The following THSD7B variants were observed in gnomAD, a reference collection of about 807,000 sequenced individuals.
THSD7B encodes thrombospondin type-1 domain-containing protein 7B.
THSD7B carries 138 observed loss-of-function variants against 213.6 expected under a neutral mutation model. The observed-to-expected ratio is 0.65, with a 90% CI of 0.56 to 0.74. The LOEUF is 0.74. Among genes scored for constraint, THSD7B ranks in the 30% least tolerant of loss-of-function variants. The probability of loss-of-function intolerance (pLI) is 0.00; values close to 1 mark genes in which losing one functional copy is unlikely to be tolerated. For synonymous variants in THSD7B, 742 were observed against 687.0 expected, an observed-to-expected ratio of 1.08 and a Z score of -1.25; for missense variants, 1,931 against 1,991.5, an observed-to-expected ratio of 0.97 and a Z score of 0.58.
chr2:137,233,867 C>T (rs1466009803), intron 9 of THSD7B, among the ~76,000 whole-genome samples: 3 of 152,140 alleles, frequency 2.0e-5, no homozygotes, highest in Admixed American at 2.0e-4. Flanking sequence ...GGGCCCTATG[C>T]ATTATAGAGA....
intron 12 of THSD7B, among the ~76,000 whole-genome samples, chr2:137,396,073 G>C: frequency 6.6e-6 from 1 of 150,944 alleles, no homozygotes; most frequent in South Asian, 2.1e-4. Flanking sequence ...TATTAGTCTT[G>C]CTAGCGGTCT....
intron 2 of THSD7B, among the ~76,000 whole-genome samples, chr2:136,917,862 T>A (rs1195936280): frequency 2.0e-5 from 3 of 152,188 alleles, no homozygotes; most frequent in African/African-American, 7.2e-5. Context: ...TGGCATAAAG[T>A]CTCAAGTATA....
intron 2 of THSD7B, among the ~76,000 whole-genome samples, chr2:136,917,605 A>G (rs1270851379): frequency 6.6e-6 from 1 of 152,204 alleles, no homozygotes; most frequent in Non-Finnish European, 1.5e-5. Flanking sequence ...AGTGATTAGT[A>G]TACAGATTGG....
chr2:137,156,668 G>A (rs1167061123), intron 5 of THSD7B, among the ~76,000 whole-genome samples: 4 of 152,128 alleles, frequency 2.6e-5, no homozygotes, highest in Admixed American at 2.0e-4. Flanking sequence ...TAATATCTGT[G>A]GAGACACAGT....
At chr2:137,454,113 T>C (rs1449753369) in intron 15 of THSD7B, among the ~76,000 whole-genome samples, 1 of 152,202 alleles carries the variant, frequency 6.6e-6, no homozygotes, top group Non-Finnish European at 1.5e-5. Flanking sequence ...TTCAAATTTT[T>C]GTAGTAAATG....
intron 2 of THSD7B, among the ~76,000 whole-genome samples, chr2:136,916,739 T>A (rs183508546): frequency 6.6e-6 from 1 of 152,218 alleles, no homozygotes; most frequent in Non-Finnish European, 1.5e-5. Flanking sequence ...AGATAGTTCA[T>A]CAGTGTGAAG....
At chr2:137,605,486 G>A (rs1322642856) in intron 17 of THSD7B, among the ~76,000 whole-genome samples, 2 of 151,858 alleles carry the variant, frequency 1.3e-5, no homozygotes, top group African/African-American at 4.8e-5. Flanking sequence ...CTATGTAACA[G>A]GTATTATGGT....
At chr2:137,287,408 A>G (rs1209403314) in intron 12 of THSD7B, among the ~76,000 whole-genome samples, 22 of 152,152 alleles carry the variant, frequency 1.4e-4, no homozygotes, top group Admixed American at 1.4e-3. Flanking sequence ...TGGATTCAGA[A>G]CAAAGATTGC....
intron 12 of THSD7B, among the ~76,000 whole-genome samples, chr2:137,345,445 C>CA (rs1009510271): frequency 6.6e-6 from 1 of 151,544 alleles, no homozygotes; most frequent in Admixed American, 6.6e-5. Flanking sequence ...AATAGATATA[C>CA]AAAAACATAT....
In THSD7B at chr2:137,567,905, G is replaced by A. The variant is rs150017901; in HGVS notation, c.3273-4501G>A. On this transcript the variant is annotated intron_variant, in intron 16 of 27. Transcript: ENST00000409968. ...AGCTTATAAATTTAGTATTTATTGA[G>A]AAGAAATTGAGTCCTGGGGAACTCC... Among the ~76,000 whole-genome samples, 533 of 152,210 alleles carry A rather than the reference G, an allele frequency of 3.5e-3. 3 individuals are homozygous for A. Among genetic ancestry groups the A allele is most frequent in the Admixed American group, 4.4e-3 (67 of 15,280 alleles).
At chr2:137,105,413 A>G (rs1367889300) in intron 4 of THSD7B, among the ~76,000 whole-genome samples, 1 of 152,186 alleles carries the variant, frequency 6.6e-6, no homozygotes, top group African/African-American at 2.4e-5. Flanking sequence ...TCTCAAAATA[A>G]TAAGAGCTAT....
chr2:137,086,025 A>T (rs1271922307), intron 3 of THSD7B, among the ~76,000 whole-genome samples: 1 of 152,112 alleles, frequency 6.6e-6, no homozygotes, highest in Non-Finnish European at 1.5e-5. Context: ...GTGTACTTAA[A>T]CTCAGTAGGA....
At chr2:136,948,425 C>CTTTTT (rs34273193) in intron 2 of THSD7B, among the ~76,000 whole-genome samples, 1 of 149,388 alleles carries the variant, frequency 6.7e-6, no homozygotes, top group Non-Finnish European at 1.5e-5. Flanking sequence ...TCCCCCATAC[C>CTTTTT]TTTCTTTTTT....
chr2:136,874,798 T>C (rs896280699), intron 1 of THSD7B, among the ~76,000 whole-genome samples: 1 of 152,298 alleles, frequency 6.6e-6, no homozygotes, highest in South Asian at 2.1e-4. Flanking sequence ...TGCTAAGATA[T>C]ATAGTAAAGA....
intron 15 of THSD7B, among the ~76,000 whole-genome samples, chr2:137,451,494 T>C (rs1046254472): frequency 2.6e-5 from 4 of 152,070 alleles, no homozygotes; most frequent in Admixed American, 2.6e-4. Flanking sequence ...ATGTTTTTCA[T>C]TCTCAATCTT....
At chr2:136,856,047 C>T (rs1683176708) in intron 1 of THSD7B, among the ~76,000 whole-genome samples, 1 of 152,196 alleles carries the variant, frequency 6.6e-6, no homozygotes, top group Non-Finnish European at 1.5e-5. Flanking sequence ...TATTACACCA[C>T]ACTTTTTCAT....
intron 5 of THSD7B, among the ~76,000 whole-genome samples, chr2:137,147,497 AGACAC>A (rs1298930357): frequency 5.3e-5 from 8 of 150,008 alleles, no homozygotes; most frequent in African/African-American, 2.0e-4. Context: ...TTTATTTTAG[AGACAC>A]AGAGTTCTTA....
intron 4 of THSD7B, among the ~76,000 whole-genome samples, chr2:137,113,533 T>C (rs1478774373): frequency 1.3e-5 from 2 of 152,050 alleles, no homozygotes; most frequent in Non-Finnish European, 2.9e-5. Flanking sequence ...GCCTCCTGGG[T>C]TCAAGTGATT....
Position 137,514,702 on chromosome 2 carries a change from G to A in THSD7B, c.3139-48519G>A, listed in dbSNP as rs557340271. Among the ~76,000 whole-genome samples the A allele has an allele frequency of 3.3e-5, 5 of 152,228 alleles. No individual in the cohort carries two copies. The South Asian group carries it at 8.3e-4, about 25-fold the overall frequency. On this transcript the variant is annotated intron_variant, in intron 15 of 27. Transcript: ENST00000409968. Reference sequence around the variant, plus strand: ...ATATGATGAACCCAAAAATGTTAAGGACTCTACTTCTAATAGTATGGAGAA... The same window carrying A: ...ATATGATGAACCCAAAAATGTTAAGAACTCTACTTCTAATAGTATGGAGAA...
Sources: gnomAD v4.1 joint callset for allele counts (sites outside exome capture counted in the v4.1 genomes callset) on GRCh38, gnomAD v4.1.1 for gene constraint, MANE v1.5 for transcripts, NCBI Gene and HGNC (gene_info 2026-07-23, HGNC 2026-07-21) for gene names.